Variants in EZR observed in about 807,000 individuals in gnomAD.
EZR encodes the protein cytovillin 2.
EZR carries 40 observed loss-of-function variants against 74.8 expected under a neutral mutation model. That is an observed-to-expected ratio of 0.53 (90% confidence interval 0.42 to 0.70). The LOEUF is 0.70. Ranked by LOEUF, EZR falls within the 30% of genes least tolerant of loss-of-function variation. The pLI is 0.00. For synonymous variants in EZR, 341 were observed against 283.3 expected, an observed-to-expected ratio of 1.20 and a Z score of -2.05; for missense variants, 678 against 755.8, an observed-to-expected ratio of 0.90 and a Z score of 1.21.
intron 2 of EZR, among the ~76,000 whole-genome samples, chr6:158,793,856 A>G (rs1791805732): frequency 6.6e-6 from 1 of 152,230 alleles, no homozygotes; most frequent in Non-Finnish European, 1.5e-5. Context: ...TTTCAATGTT[A>G]TAGATAAAAT....
At chr6:158,791,706 A>AATTTT (rs1791751481) in intron 2 of EZR, among the ~76,000 whole-genome samples, 1 of 96,262 alleles carries the variant, frequency 1.0e-5, no homozygotes, top group Admixed American at 1.2e-4. Flanking sequence ...TTCAGACTCC[A>AATTTT]TTTTTTTTTT....
At chr6:158,787,943 C>CT (rs1482954075) in intron 3 of EZR, among the ~76,000 whole-genome samples, 1 of 152,218 alleles carries the variant, frequency 6.6e-6, no homozygotes, top group African/African-American at 2.4e-5. Context: ...TCACGACTGT[C>CT]TTGTAAACAG....
intron 7 of EZR, among the ~76,000 whole-genome samples, chr6:158,777,400 T>C (rs1208372807): frequency 6.6e-6 from 1 of 152,276 alleles, no homozygotes; most frequent in Non-Finnish European, 1.5e-5. Flanking sequence ...TGCAATGCCA[T>C]GACTGGCCAG....
At chr6:158,789,257 G>A in intron 3 of EZR, 31 bp downstream of exon 3, 1 of 1,542,634 alleles carries the variant, frequency 6.5e-7, no homozygotes, top group Non-Finnish European at 8.9e-7. Context: ...TTTTTTGTAG[G>A]TGGAGTTAAC....
intron 7 of EZR, among the ~76,000 whole-genome samples, chr6:158,780,312 C>CT (rs1791401833): frequency 6.6e-6 from 1 of 151,890 alleles, no homozygotes; most frequent in African/African-American, 2.4e-5. Flanking sequence ...AACAAATGAA[C>CT]ACTTAAGATT....
Position 158,770,777 on chromosome 6 carries a change from CTTT to C in EZR, c.1074_1076del (p.Lys360del), listed in dbSNP as rs1215540099. ...AGGGCGCCTGACCTCTCTCTGCCTT[CTTT>C]GTCTTCTCCTCATAGTCCTGCAGCC... On this transcript the variant is annotated inframe_deletion, in exon 10 of 14. Coordinates refer to ENST00000367075, the MANE Select transcript of EZR (RefSeq NM_001111077.2). The C allele has an allele frequency of 6.2e-7, 1 of 1,614,230 alleles. No individual in the cohort carries two copies. Among genetic ancestry groups the C allele is most frequent in the Non-Finnish European group, 8.5e-7 (1 of 1,180,038 alleles).
intron 7 of EZR, among the ~76,000 whole-genome samples, chr6:158,782,711 G>A (rs1791465802): frequency 6.6e-6 from 1 of 152,240 alleles, no homozygotes; most frequent in African/African-American, 2.4e-5. Flanking sequence ...TCAGGGCAGA[G>A]ACGGTAGTCA....
chr6:158,809,645 A>G (rs1407372510), intron 2 of EZR, among the ~76,000 whole-genome samples: 1 of 152,250 alleles, frequency 6.6e-6, no homozygotes, highest in Non-Finnish European at 1.5e-5. Context: ...AATTTTTTAA[A>G]AACTGGAACC....
chr6:158,770,733 A>T, intron 10 of EZR, 31 bp downstream of exon 10: 3 of 1,613,864 alleles, frequency 1.9e-6, no homozygotes, highest in Non-Finnish European at 2.5e-6. Flanking sequence ...TGCATGACCC[A>T]GTGTAGAGTG....
intron 2 of EZR, among the ~76,000 whole-genome samples, chr6:158,807,947 G>C (rs1427255044): frequency 1.3e-5 from 2 of 152,178 alleles, no homozygotes; most frequent in East Asian, 3.8e-4. Context: ...CAGGAAATGG[G>C]TTCCACCATT....
chr6:158,769,743 C>A (rs1791037046), intron 11 of EZR, 41 bp downstream of exon 11: 1 of 1,607,530 alleles, frequency 6.2e-7, no homozygotes, highest in Non-Finnish European at 8.5e-7. Flanking sequence ...CAGAAGCAGC[C>A]TCTCTATAAT....
intron 2 of EZR, among the ~76,000 whole-genome samples, chr6:158,803,531 A>T (rs867800450): frequency 4.1e-4 from 3 of 7,300 alleles, no homozygotes; most frequent in Non-Finnish European, 9.4e-4. Flanking sequence ...GTAACATTAT[A>T]TATATATATA....
chr6:158,818,070 T>C lies in EZR; in HGVS notation c.12+12A>G, dbSNP rs1406325705. The stretch of plus-strand genomic sequence containing the variant: ...TCTCCCGTCCGCCCGGCCCAGAAAC[T>C]GGGCAACTTACTGGTTTCGGCATTT... On this transcript the variant is annotated intron_variant, in intron 2 of 13. Coordinates refer to ENST00000367075, the MANE Select transcript of EZR (RefSeq NM_001111077.2). The C allele has an allele frequency of 6.2e-7, 1 of 1,609,148 alleles. No individual in the cohort carries two copies. Among genetic ancestry groups the C allele is most frequent in the Non-Finnish European group, 8.5e-7 (1 of 1,176,840 alleles).
At chr6:158,783,790 G>A (rs928150146) in intron 6 of EZR, 124 bp from the exon 7 acceptor site, 16 of 1,067,762 alleles carry the variant, frequency 1.5e-5, no homozygotes, top group African/African-American at 9.5e-5. Flanking sequence ...TGTGTGCTGC[G>A]TGCAGGCAGG....
Position 158,766,913 on chromosome 6 carries a change from G to A in EZR, c.*1C>T. On this transcript the variant is annotated 3_prime_UTR_variant, in exon 14 of 14. Transcript: ENST00000367075. ...CTCTGCCCTTGGTCCTGGCCTGGCT[G>A]TTACAGGGCCTCGAACTCGTCGATG... The A allele has an allele frequency of 1.2e-6, 2 of 1,613,974 alleles. No individual in the cohort carries two copies. Among genetic ancestry groups the A allele is most frequent in the Non-Finnish European group, 1.7e-6 (2 of 1,179,910 alleles).
chr6:158,789,088 A>AC (rs1330986806), intron 3 of EZR, among the ~76,000 whole-genome samples, 200 bp downstream of exon 3: 19 of 152,326 alleles, frequency 1.2e-4, no homozygotes, highest in Middle Eastern at 3.4e-3. Flanking sequence ...CATACACCTC[A>AC]CTTCCTAGGC....
At chr6:158,777,914 A>G (rs574348522) in intron 7 of EZR, among the ~76,000 whole-genome samples, 32 of 36,254 alleles carry the variant, frequency 8.8e-4, no homozygotes, top group African/African-American at 2.5e-3. Flanking sequence ...AATCCCCATT[A>G]AAAAAAAACA....
Position 158,785,307 on chromosome 6 carries a change from A to C in EZR, c.467+2T>G, listed in dbSNP as rs1583568700. 6.2e-7 allele frequency: 1 copy of C among 1,613,168 alleles called. No homozygotes were observed. Among genetic ancestry groups the C allele is most frequent in the Non-Finnish European group, 8.5e-7 (1 of 1,179,656 alleles). ...GCCCAGGCCGGGTCATCCTGTGCTC[A>C]CCTTTGAGGGATCAGCCGCTCAGAG... On this transcript the variant is annotated splice_donor_variant, in intron 5 of 13. Coordinates refer to ENST00000367075, the MANE Select transcript of EZR (RefSeq NM_001111077.2). LOFTEE classifies it high-confidence loss of function.
intron 2 of EZR, 58 bp from the exon 3 acceptor site, chr6:158,789,429 C>T: frequency 1.4e-6 from 2 of 1,444,692 alleles, no homozygotes; most frequent in Non-Finnish European, 1.9e-6. Context: ...TTCTAATAAC[C>T]TCCTGCACCT....
Sources: allele counts gnomAD v4.1 joint callset (sites outside exome capture counted in the v4.1 genomes callset), GRCh38; gene constraint gnomAD v4.1.1; transcripts MANE v1.5; gene names NCBI Gene and HGNC (gene_info 2026-07-23, HGNC 2026-07-21).